Variants in APCDD1 observed in about 807,000 individuals in gnomAD.
APCDD1 encodes the protein APC down-regulated 1.
Under a neutral mutation model 38.1 loss-of-function variants are expected in APCDD1, and 15 were observed. That is an observed-to-expected ratio of 0.39 (90% CI 0.26 to 0.61). APCDD1 has a LOEUF of 0.61. Ranked by LOEUF, APCDD1 falls within the 20% of genes least tolerant of loss-of-function variation. The probability of loss-of-function intolerance (pLI) is 0.49; values close to 1 mark genes in which losing one functional copy is unlikely to be tolerated. For synonymous variants in APCDD1, 261 were observed against 279.7 expected (o/e 0.93, Z 0.67); for missense variants, 647 against 696.2 (o/e 0.93, Z 0.79).
chr18:10,457,511 A>G (rs80244746), intron 1 of APCDD1, among the ~76,000 whole-genome samples: 2,683 of 152,318 alleles, frequency 0.018, 67 homozygotes, highest in African/African-American at 0.061. Context: ...TTTTTTCCTG[A>G]TAAATAGGCA....
At chr18:10,481,421 G>A (rs2031134031) in intron 3 of APCDD1, among the ~76,000 whole-genome samples, 1 of 152,190 alleles carries the variant, frequency 6.6e-6, no homozygotes, top group Non-Finnish European at 1.5e-5. Context: ...TATAGTAAGT[G>A]AAACAGGCCA....
rs564170992 is a variant in APCDD1, at chr18:10,474,408, C to G, written c.774+2347C>G. Among the ~76,000 whole-genome samples the G allele has an allele frequency of 4.8e-4, 73 of 152,222 alleles. 1 individual carries two copies. In the South Asian group the frequency reaches 0.013, roughly 28 times the overall value. ...CCTGCCCACTTTCTAGCAGAGACAC[C>G]AAAGAGCCTCAAAACACCAAAAAGC... On this transcript the variant is annotated intron_variant, in intron 3 of 4. Transcript: ENST00000355285.
intron 1 of APCDD1, among the ~76,000 whole-genome samples, chr18:10,462,452 TCCCTCCC>T: frequency 9.4e-5 from 6 of 63,878 alleles, no homozygotes; most frequent in African/African-American, 3.9e-4. Flanking sequence ...TCTCCTTTCC[TCCCTCCC>T]TCCCTCCCTC....
At chr18:10,474,350 G>A (rs1398938880) in intron 3 of APCDD1, 1 of 152,254 alleles carries the variant, frequency 6.6e-6, no homozygotes, top group Non-Finnish European at 1.5e-5. Flanking sequence ...CGTTCCCTCG[G>A]GGCCTTTGTG....
Position 10,454,861 on chromosome 18 carries a change from G to C in APCDD1, c.-121G>C, listed in dbSNP as rs1179650722. ...GCCGGGCATGGGGCGCGCGGCAGCC[G>C]CCTGAAGCCCCGGCCTGGCCCGGCC... is the stretch of plus-strand genomic sequence containing the variant. On this transcript the variant is annotated 5_prime_UTR_variant, in exon 1 of 5. Coordinates refer to ENST00000355285, the MANE Select transcript of APCDD1 (RefSeq NM_153000.5). 9 of 1,117,018 alleles carry C rather than the reference G, an allele frequency of 8.1e-6. No individual in the cohort carries two copies. Among genetic ancestry groups the C allele is most frequent in the Non-Finnish European group, 6.6e-6 (6 of 912,702 alleles). The allele number at this position is 1,117,018 out of a possible 1,614,324, so 69.2% of individuals were successfully genotyped here. A position where few individuals can be genotyped will look rare whatever the true frequency, so the allele number is the denominator to read the frequency against.
intron 3 of APCDD1, chr18:10,474,245 C>T (rs751125607): frequency 6.6e-5 from 10 of 152,246 alleles, no homozygotes; most frequent in African/African-American, 2.4e-4. Flanking sequence ...CAAATGATCT[C>T]AGGTAACGGG....
chr18:10,462,643 C>CTCCT (rs765196609), intron 1 of APCDD1, among the ~76,000 whole-genome samples: 380 of 15,634 alleles, frequency 0.024, 29 homozygotes, highest in East Asian at 0.032. Flanking sequence ...CCTTCCCTCC[C>CTCCT]TCCTTCCTTC....
chr18:10,472,229 GC>G lies in APCDD1; in HGVS notation c.774+169del, dbSNP rs1327589123. On this transcript the variant is annotated intron_variant, in intron 3 of 4. Transcript: ENST00000355285. This position sits in a 1 kb window ranked among gnomAD's most constrained non-coding sequence, Gnocchi z 6.6. ...GTGGGAGGAGATGGGAAAGGCTGGG[GC>G]TGAGGGTGCTTTAGCCAGTCAGGAG... 2.0e-5 allele frequency among the ~76,000 whole-genome samples: 3 copies of G among 152,162 alleles called. No individual in the cohort carries two copies. The highest frequency in any genetic ancestry group is 7.2e-5 in the African/African-American group (3 of 41,444).
chr18:10,462,159 T>TGG (rs148081881), intron 1 of APCDD1, among the ~76,000 whole-genome samples: 20 of 151,588 alleles, frequency 1.3e-4, no homozygotes, highest in African/African-American at 4.1e-4. Flanking sequence ...TCCAATTAAG[T>TGG]GGGGGGGGCT....
At chr18:10,486,064 A>G (rs551788764) in intron 4 of APCDD1, among the ~76,000 whole-genome samples, 4 of 152,318 alleles carry the variant, frequency 2.6e-5, no homozygotes, top group Admixed American at 2.6e-4. Context: ...TGGGAATGAA[A>G]TCTCTGGCCA....
chr18:10,487,846 G>A lies in APCDD1; in HGVS notation c.1353G>A (p.Arg451=), dbSNP rs560171977. 11 of 1,613,920 alleles carry A rather than the reference G, an allele frequency of 6.8e-6. No individual in the cohort carries two copies. In the Middle Eastern group the frequency reaches 4.9e-4, roughly 73 times the overall value. ...QRPSDGSSPD[R]PEKRATSYQM... is the part of the protein sequence containing the mutation. ...CCAGCGACGGGTCCAGCCCAGACAG[G>A]CCAGAGAAGAGAGCCACGTCCTACC... The change falls in exon 5 of 5, where the codon AGG becomes AGA. Residue 451 remains arginine (R), a synonymous_variant. Transcript: ENST00000355285.
Position 10,485,529 on chromosome 18 carries a change from T to G in APCDD1, c.842T>G (p.Leu281Arg). 6.2e-7 allele frequency: 1 copy of G among 1,614,172 alleles called. No individual in the cohort carries two copies. The highest frequency in any genetic ancestry group is 8.5e-7 in the Non-Finnish European group (1 of 1,180,028). ...TCAGACGAGCACCACCCTCCCATCC[T>G]GCCCCCAAAGGCAGACCTGACCATC... is the stretch of plus-strand genomic sequence containing the variant. ...YRSDEHHPPILPPKADLTIGL... is the reference protein window; with the variant it reads ...YRSDEHHPPIRPPKADLTIGL... Residue 281 changes from leucine (L) to arginine (R), a missense_variant, in exon 4 of 5, where the codon CTG becomes CGG. Coordinates refer to ENST00000355285, the MANE Select transcript of APCDD1 (RefSeq NM_153000.5). This position sits in a 1 kb window ranked among gnomAD's most constrained non-coding sequence, Gnocchi z 5.8.
At chr18:10,459,119 G>A (rs1050395205) in intron 1 of APCDD1, among the ~76,000 whole-genome samples, 2 of 152,152 alleles carry the variant, frequency 1.3e-5, no homozygotes, top group Admixed American at 1.3e-4. Context: ...GTTCATCTAT[G>A]AGGGCCTACT....
chr18:10,469,696 C>T lies in APCDD1; in HGVS notation c.242+1044C>T, dbSNP rs561190581. Reference sequence around the variant, plus strand: ...AGGGGGCCCCATTTTAAAATCAGGGCGGAGTTCAGAAAGCCTACCAAAGAA... The same window carrying T: ...AGGGGGCCCCATTTTAAAATCAGGGTGGAGTTCAGAAAGCCTACCAAAGAA... On this transcript the variant is annotated intron_variant, in intron 2 of 4. Transcript: ENST00000355285. The surrounding 1 kb of genome is among the most constrained non-coding windows in gnomAD (Gnocchi z 5.5). Among the ~76,000 whole-genome samples the T allele has an allele frequency of 1.2e-4, 19 of 152,168 alleles. No individual in the cohort carries two copies. Among genetic ancestry groups the T allele is most frequent in the Admixed American group, 3.3e-4 (5 of 15,284 alleles).
chr18:10,456,114 C>T (rs1428795325), intron 1 of APCDD1, among the ~76,000 whole-genome samples: 2 of 152,188 alleles, frequency 1.3e-5, no homozygotes, highest in East Asian at 3.9e-4. Flanking sequence ...AACCCACAAG[C>T]CACCGGGATG....
chr18:10,487,235 A>T (rs781021936), intron 4 of APCDD1, among the ~76,000 whole-genome samples: 33 of 152,226 alleles, frequency 2.2e-4, no homozygotes, highest in Admixed American at 3.9e-4. Flanking sequence ...AATCCCAACG[A>T]GTCAGCATCA....
In APCDD1 at chr18:10,471,083, C is replaced by G. The variant is rs2030840066; in HGVS notation, c.243-447C>G. Among the ~76,000 whole-genome samples, 1 of 152,254 alleles carries G rather than the reference C, an allele frequency of 6.6e-6. No individual in the cohort carries two copies. The highest frequency in any genetic ancestry group is 1.5e-5 in the Non-Finnish European group (1 of 68,048). ...GTTCAGGAAGTCGACCGTTTTTGAA[C>G]TAGCGTAAGGGAACTTCTTTTATAG... On this transcript the variant is annotated intron_variant, in intron 2 of 4. Transcript: ENST00000355285. The surrounding 1 kb of genome is among the most constrained non-coding windows in gnomAD (Gnocchi z 5.5).
chr18:10,468,340 A>G lies in APCDD1; in HGVS notation c.59-129A>G, dbSNP rs566770724. On this transcript the variant is annotated intron_variant, in intron 1 of 4. Transcript: ENST00000355285. ...ATCATACACGAGAGCACGCACTGTG[A>G]TGACACCTTGTAGAATAAACAATCA... 9.9e-6 allele frequency: 10 copies of G among 1,012,916 alleles called. No homozygotes were observed. The South Asian group carries it at 1.0e-4, about 11-fold the overall frequency. 62.7% of individuals were successfully genotyped at this position (1,012,916 alleles called of 1,614,324 possible). A position where few individuals can be genotyped will look rare whatever the true frequency, so the allele number is the denominator to read the frequency against.
In APCDD1 at chr18:10,467,589, C is replaced by T. The variant is rs941545507; in HGVS notation, c.59-880C>T. Among the ~76,000 whole-genome samples, 2 of 152,152 alleles carry T rather than the reference C, an allele frequency of 1.3e-5. No homozygotes were observed. The highest frequency in any genetic ancestry group is 2.9e-5 in the Non-Finnish European group (2 of 68,022). On this transcript the variant is annotated intron_variant, in intron 1 of 4. Coordinates refer to ENST00000355285, the MANE Select transcript of APCDD1 (RefSeq NM_153000.5). The surrounding 1 kb of genome is among the most constrained non-coding windows in gnomAD (Gnocchi z 4.8). Reference sequence around the variant, plus strand: ...TAGATTGTGGCCAACCTGCATGACTCGTTCTGAAGATAAGTTTACTGCTAG... The same window carrying T: ...TAGATTGTGGCCAACCTGCATGACTTGTTCTGAAGATAAGTTTACTGCTAG...
Sources: allele counts gnomAD v4.1 joint callset (sites outside exome capture counted in the v4.1 genomes callset), GRCh38; gene constraint gnomAD v4.1.1; non-coding constraint Gnocchi (gnomAD v3.1); transcripts MANE v1.5; gene names NCBI Gene and HGNC (gene_info 2026-07-23, HGNC 2026-07-21).